Variants in MAPKAP1 observed in about 807,000 individuals in gnomAD.
The protein encoded by MAPKAP1 is MAPK associated protein 1, also known as target of rapamycin complex 2 subunit MAPKAP1.
A neutral mutation model predicts 65.7 loss-of-function variants in MAPKAP1; 20 were observed. The ratio of observed to expected loss-of-function variants is 0.30; its 90% CI spans 0.21 to 0.44. The LOEUF is 0.44. MAPKAP1 is among the 20% of genes least tolerant of loss of function. The pLI, the probability that MAPKAP1 is intolerant of heterozygous loss-of-function variation, is 1.00. For missense variants in MAPKAP1, 423 were observed against 648.0 expected, an observed-to-expected ratio of 0.65 and a Z score of 3.77; for synonymous variants, 222 against 244.3, an observed-to-expected ratio of 0.91 and a Z score of 0.85.
chr9:125,639,251 G>GACAAA (rs942434832), intron 4 of MAPKAP1, among the ~76,000 whole-genome samples: 2 of 151,894 alleles, frequency 1.3e-5, no homozygotes, highest in African/African-American at 2.4e-5. Flanking sequence ...AAAAAAACAA[G>GACAAA]ACAAAACAAA....
chr9:125,647,735 G>A (rs770425587), intron 4 of MAPKAP1, among the ~76,000 whole-genome samples: 150 of 152,252 alleles, frequency 9.9e-4, no homozygotes, highest in Non-Finnish European at 1.8e-3. Context: ...ATCAGTGCAC[G>A]GTGCAGAGCT....
intron 4 of MAPKAP1, among the ~76,000 whole-genome samples, chr9:125,630,074 G>A (rs1334071696): frequency 1.3e-5 from 2 of 152,126 alleles, no homozygotes; most frequent in South Asian, 2.1e-4. Context: ...CCCCTACAAA[G>A]TAGAAACATA....
At chr9:125,659,474 T>C (rs978030535) in intron 3 of MAPKAP1, among the ~76,000 whole-genome samples, 2 of 152,156 alleles carry the variant, frequency 1.3e-5, no homozygotes, top group African/African-American at 4.8e-5. Context: ...GCTTGGAGAA[T>C]AGAAACAACC....
intron 1 of MAPKAP1, among the ~76,000 whole-genome samples, chr9:125,693,615 A>G (rs1339810419): frequency 2.0e-5 from 3 of 150,128 alleles, no homozygotes; most frequent in Non-Finnish European, 3.0e-5. Context: ...ACACATATAT[A>G]CACACATATA....
chr9:125,690,920 A>T (rs1279289089), intron 1 of MAPKAP1, among the ~76,000 whole-genome samples: 2 of 152,200 alleles, frequency 1.3e-5, no homozygotes, highest in African/African-American at 2.4e-5. Flanking sequence ...AGGCAGTGAA[A>T]GATGGTTGCA....
chr9:125,451,773 A>T (rs1231044867), intron 10 of MAPKAP1, among the ~76,000 whole-genome samples: 1 of 144,244 alleles, frequency 6.9e-6, no homozygotes, highest in Non-Finnish European at 1.5e-5. Context: ...TCTTTTGATC[A>T]TGTCTTCTGC....
intron 4 of MAPKAP1, among the ~76,000 whole-genome samples, chr9:125,638,492 C>T (rs144291072): frequency 9.2e-5 from 14 of 152,296 alleles, no homozygotes; most frequent in Admixed American, 7.2e-4. Context: ...AAAATAATCC[C>T]CTGGATATTA....
At chr9:125,672,880 A>T (rs998239954) in intron 1 of MAPKAP1, among the ~76,000 whole-genome samples, 3 of 152,230 alleles carry the variant, frequency 2.0e-5, no homozygotes, top group Non-Finnish European at 4.4e-5. Context: ...CACTCTTGCA[A>T]AACAAATCAC....
intron 5 of MAPKAP1, among the ~76,000 whole-genome samples, chr9:125,577,370 C>T (rs111251980): frequency 0.045 from 6,818 of 150,800 alleles, 267 homozygotes; most frequent in East Asian, 0.14. Flanking sequence ...CGGCAGCCAC[C>T]CCGTCCGGGA....
chr9:125,616,012 G>A (rs908184829), intron 4 of MAPKAP1, among the ~76,000 whole-genome samples: 1 of 151,558 alleles, frequency 6.6e-6, no homozygotes, highest in Non-Finnish European at 1.5e-5. Context: ...AATTAAAATA[G>A]TGTGATATTA....
At chr9:125,665,638 A>T (rs1834318659) in intron 3 of MAPKAP1, among the ~76,000 whole-genome samples, 1 of 151,676 alleles carries the variant, frequency 6.6e-6, no homozygotes. Context: ...AAAACAAAAA[A>T]CAAAAAACAA....
intron 6 of MAPKAP1, among the ~76,000 whole-genome samples, chr9:125,551,232 G>A (rs1223029011): frequency 6.6e-6 from 1 of 152,090 alleles, no homozygotes; most frequent in Non-Finnish European, 1.5e-5. Context: ...ATAACAGAAG[G>A]AAAGGCTTCA....
chr9:125,544,004 A>G (rs1223466352), intron 6 of MAPKAP1, among the ~76,000 whole-genome samples: 1 of 150,960 alleles, frequency 6.6e-6, no homozygotes, highest in African/African-American at 2.4e-5. Context: ...GCTAGTAAAT[A>G]TATTTCTTTA....
At chr9:125,571,801 T>C (rs1831241117) in intron 5 of MAPKAP1, among the ~76,000 whole-genome samples, 1 of 152,158 alleles carries the variant, frequency 6.6e-6, no homozygotes, top group African/African-American at 2.4e-5. Context: ...AGGCAGAGAT[T>C]GCAGTGAGCC....
intron 1 of MAPKAP1, among the ~76,000 whole-genome samples, chr9:125,693,685 ACG>A (rs1835269074): frequency 1.6e-5 from 2 of 128,312 alleles, no homozygotes; most frequent in Admixed American, 7.8e-5. Context: ...GTATATATAC[ACG>A]TATATATACA....
At chr9:125,547,077 A>G (rs1303975484) in intron 6 of MAPKAP1, among the ~76,000 whole-genome samples, 1 of 152,122 alleles carries the variant, frequency 6.6e-6, no homozygotes, top group African/African-American at 2.4e-5. Context: ...AAGTCTCGTA[A>G]CCACTGAACG....
At chr9:125,466,142 G>A (rs775398138) in intron 10 of MAPKAP1, among the ~76,000 whole-genome samples, 52 of 152,272 alleles carry the variant, frequency 3.4e-4, no homozygotes, top group Non-Finnish European at 6.6e-4. Flanking sequence ...TACTTTGGGG[G>A]ACTGAGGCAG....
At chr9:125,615,570 T>C (rs1401902199) in intron 4 of MAPKAP1, among the ~76,000 whole-genome samples, 2 of 142,894 alleles carry the variant, frequency 1.4e-5, no homozygotes, top group Non-Finnish European at 3.0e-5. Flanking sequence ...TCAGCCATTG[T>C]GTAGCAGGGC....
intron 1 of MAPKAP1, among the ~76,000 whole-genome samples, chr9:125,705,708 T>TC (rs1304722898): frequency 6.6e-6 from 1 of 152,192 alleles, no homozygotes; most frequent in Non-Finnish European, 1.5e-5. Flanking sequence ...AAAAATCATT[T>TC]CCAGGTGGGG....
Sources: allele counts gnomAD v4.1 joint callset (sites outside exome capture counted in the v4.1 genomes callset), GRCh38; gene constraint gnomAD v4.1.1; transcripts MANE v1.5; gene names NCBI Gene and HGNC (gene_info 2026-07-23, HGNC 2026-07-21).